The following PRKN variants were observed in gnomAD, a reference collection of about 807,000 sequenced individuals.
PRKN encodes E3 ubiquitin-protein ligase parkin.
Under a neutral mutation model 59.5 loss-of-function variants are expected in PRKN, and 56 were observed. The ratio of observed to expected loss-of-function variants is 0.94; its 90% CI spans 0.76 to 1.18. PRKN has a LOEUF of 1.18. Ranked by LOEUF, PRKN falls within the 50% of genes most tolerant of loss-of-function variation. The pLI, the probability that PRKN is intolerant of heterozygous loss-of-function variation, is 0.00. For synonymous variants in PRKN, 250 were observed against 222.1 expected, an observed-to-expected ratio of 1.13 and a Z score of -1.12; for missense variants, 657 against 596.4, an observed-to-expected ratio of 1.10 and a Z score of -1.06.
At chr6:162,128,563 C>A (rs1370195742) in intron 4 of PRKN, among the ~76,000 whole-genome samples, 1 of 152,170 alleles carries the variant, frequency 6.6e-6, no homozygotes, top group Non-Finnish European at 1.5e-5. Context: ...AAAGCAAGTC[C>A]ACATTATCTT....
rs563349595 is a variant in PRKN, at chr6:161,732,585, C to T, written c.871+53187G>A. Among the ~76,000 whole-genome samples the T allele has an allele frequency of 8.6e-5, 13 of 151,900 alleles. 1 individual carries two copies. The South Asian group carries it at 1.0e-3, about 12-fold the overall frequency. On this transcript the variant is annotated intron_variant, in intron 7 of 11. Transcript: ENST00000366898. ...ACATTCAAGATGCATACAGTGTACA[C>T]GATGCAAAGAAATACCTACTCAAAA...
At chr6:162,691,253 A>C (rs1232340907) in intron 1 of PRKN, among the ~76,000 whole-genome samples, 1 of 152,174 alleles carries the variant, frequency 6.6e-6, no homozygotes, top group Non-Finnish European at 1.5e-5. Flanking sequence ...TATAAAAGTA[A>C]ACACATTTTT....
chr6:162,506,863 G>A (rs1793633568), intron 1 of PRKN, among the ~76,000 whole-genome samples: 1 of 152,156 alleles, frequency 6.6e-6, no homozygotes, highest in South Asian at 2.1e-4. Flanking sequence ...CCGAGGAGAA[G>A]AGACAAGGTT....
intron 1 of PRKN, among the ~76,000 whole-genome samples, chr6:162,476,324 G>A (rs1451237279): frequency 2.6e-5 from 4 of 151,748 alleles, no homozygotes; most frequent in Non-Finnish European, 5.9e-5. Flanking sequence ...CACCCGCCTC[G>A]GCCTCCCAAA....
chr6:161,629,597 C>T (rs1158222158), intron 7 of PRKN, among the ~76,000 whole-genome samples: 1 of 152,178 alleles, frequency 6.6e-6, no homozygotes, highest in East Asian at 1.9e-4. Context: ...CAACCTCCCA[C>T]CTCCTGTCTT....
chr6:161,469,599 G>A (rs1790675419), intron 9 of PRKN, among the ~76,000 whole-genome samples: 1 of 151,198 alleles, frequency 6.6e-6, no homozygotes, highest in South Asian at 2.1e-4. Flanking sequence ...GAAAGAGAGA[G>A]AGATTGAAAC....
rs911384042 is a variant in PRKN at position 161,407,346 on chromosome 6, C to T, written c.1084-20469G>A. On this transcript the variant is annotated intron_variant, in intron 9 of 11. Transcript: ENST00000366898. The surrounding 1 kb of genome is among the most constrained non-coding windows in gnomAD (Gnocchi z 4.9). ...AAAAGGGAGGGGCTGGGGAAGGGGG[C>T]AGCTGCACTCGGTGGGAGGCTCTGC... Among the ~76,000 whole-genome samples, 2 of 151,942 alleles carry T rather than the reference C, an allele frequency of 1.3e-5. No homozygotes were observed. Among genetic ancestry groups the T allele is most frequent in the African/African-American group, 4.8e-5 (2 of 41,344 alleles).
At chr6:161,489,877 T>C (rs1383648320) in intron 9 of PRKN, among the ~76,000 whole-genome samples, 2 of 152,216 alleles carry the variant, frequency 1.3e-5, no homozygotes, top group Non-Finnish European at 1.5e-5. Flanking sequence ...TCTTGGCTTG[T>C]TGCTGATTAT....
chr6:161,585,360 T>A (rs967455904), intron 7 of PRKN, among the ~76,000 whole-genome samples: 1 of 152,196 alleles, frequency 6.6e-6, no homozygotes, highest in Non-Finnish European at 1.5e-5. Context: ...AATGAGTGGG[T>A]CTTGCTTCAG....
At chr6:162,232,111 G>A (rs959377022) in intron 3 of PRKN, among the ~76,000 whole-genome samples, 5 of 152,142 alleles carry the variant, frequency 3.3e-5, no homozygotes, top group Non-Finnish European at 5.9e-5. Flanking sequence ...TCCCAGAACA[G>A]GGAGAGAGGC....
Position 161,459,067 on chromosome 6 carries a change from C to A in PRKN, c.1084-72190G>T, listed in dbSNP as rs1337225853. 6.6e-6 allele frequency among the ~76,000 whole-genome samples: 1 copy of A among 152,178 alleles called. No individual in the cohort carries two copies. The highest frequency in any genetic ancestry group is 1.5e-5 in the Non-Finnish European group (1 of 68,018). ...TTTCTAAAGCTACAAGCACTTCCTT[C>A]CTCAGAGAGTGTCTGCTGACAGCCA... is the stretch of plus-strand genomic sequence containing the variant. On this transcript the variant is annotated intron_variant, in intron 9 of 11. Transcript: ENST00000366898. This position sits in a 1 kb window ranked among gnomAD's most constrained non-coding sequence, Gnocchi z 4.8.
intron 6 of PRKN, among the ~76,000 whole-genome samples, chr6:161,895,103 T>C (rs1365553761): frequency 6.6e-6 from 1 of 152,252 alleles, no homozygotes; most frequent in Admixed American, 6.5e-5. Context: ...GAAAAAACTT[T>C]CAAGTTAAAA....
chr6:162,331,547 AT>A, intron 2 of PRKN, among the ~76,000 whole-genome samples: 1 of 152,158 alleles, frequency 6.6e-6, no homozygotes, highest in Admixed American at 6.5e-5. Flanking sequence ...GTTACTTGTC[AT>A]TTCTTCAGCA....
intron 3 of PRKN, among the ~76,000 whole-genome samples, chr6:162,207,867 AT>A (rs1450372157): frequency 6.6e-6 from 1 of 152,142 alleles, no homozygotes; most frequent in African/African-American, 2.4e-5. Flanking sequence ...ATTCTCCCAT[AT>A]TTTTAATGGG....
intron 6 of PRKN, among the ~76,000 whole-genome samples, chr6:161,874,227 A>ATATAT (rs1794523499): frequency 3.5e-5 from 1 of 28,848 alleles, no homozygotes; most frequent in Non-Finnish European, 6.3e-5. Flanking sequence ...AATATATATT[A>ATATAT]TATATAATAT....
intron 6 of PRKN, among the ~76,000 whole-genome samples, chr6:161,949,888 G>A (rs559611438): frequency 1.3e-5 from 2 of 152,304 alleles, no homozygotes; most frequent in Admixed American, 1.3e-4. Context: ...CAATTTAACT[G>A]GTGGTCAGTG....
At chr6:162,286,072 T>C (rs542938883) in intron 2 of PRKN, among the ~76,000 whole-genome samples, 1 of 152,272 alleles carries the variant, frequency 6.6e-6, no homozygotes, top group South Asian at 2.1e-4. Context: ...GGTTTTGGAT[T>C]GTCAATAAAC....
rs980383742 is a variant in PRKN at position 161,373,683 on chromosome 6, A to G, written c.1167+13111T>C. On this transcript the variant is annotated intron_variant, in intron 10 of 11. Transcript: ENST00000366898. This position sits in a 1 kb window ranked among gnomAD's most constrained non-coding sequence, Gnocchi z 4.8. ...ACACCTCTGTGCTTGCGGGGTGCTG[A>G]GTTTAAACGGGCTATGCCTCTGTGC... Among the ~76,000 whole-genome samples, 4 of 151,912 alleles carry G rather than the reference A, an allele frequency of 2.6e-5. No individual in the cohort carries two copies. Among genetic ancestry groups the G allele is most frequent in the African/African-American group, 9.7e-5 (4 of 41,344 alleles).
At chr6:162,591,289 A>T (rs1439352875) in intron 1 of PRKN, among the ~76,000 whole-genome samples, 2 of 151,956 alleles carry the variant, frequency 1.3e-5, no homozygotes, top group Non-Finnish European at 2.9e-5. Context: ...TGTTAGTATC[A>T]TCTAAACTGG....
Sources: gnomAD v4.1 joint callset for allele counts (sites outside exome capture counted in the v4.1 genomes callset) on GRCh38, gnomAD v4.1.1 for gene constraint, Gnocchi (gnomAD v3.1) non-coding constraint, MANE v1.5 for transcripts, NCBI Gene and HGNC (gene_info 2026-07-23, HGNC 2026-07-21) for gene names.